DRAP1: variants seen among roughly 807,000 people sequenced by gnomAD.
DRAP1 encodes dr1-associated corepressor.
A neutral mutation model predicts 24.1 loss-of-function variants in DRAP1; 10 were observed. The ratio of observed to expected loss-of-function variants is 0.41; its 90% CI spans 0.26 to 0.70. The LOEUF (loss-of-function observed/expected upper bound fraction) is 0.70, where lower values mean the gene tolerates loss of function less well. Ranked by LOEUF, DRAP1 falls within the 30% of genes least tolerant of loss-of-function variation. DRAP1 has a pLI of 0.29. For synonymous variants in DRAP1, 122 were observed against 113.8 expected (o/e 1.07, Z -0.46); for missense variants, 264 against 275.6 (o/e 0.96, Z 0.30).
At chr11:65,921,206 G>C in intron 6 of DRAP1, 124 bp from the exon 7 acceptor site, 1 of 733,732 alleles carries the variant, frequency 1.4e-6, no homozygotes, top group Non-Finnish European at 2.3e-6. Flanking sequence ...CCTGGGCCTT[G>C]GCCGCATGGA....
At chr11:65,920,710 C>CA in intron 5 of DRAP1, 48 bp downstream of exon 5, 1 of 1,457,258 alleles carries the variant, frequency 6.9e-7, no homozygotes, top group Non-Finnish European at 9.1e-7. Context: ...ATGGGACAGG[C>CA]AGCCTCGCCC....
chr11:65,921,287 G>A lies in DRAP1; in HGVS notation c.513-43G>A, dbSNP rs377427666. The A allele has an allele frequency of 6.1e-5, 74 of 1,206,952 alleles. No individual in the cohort carries two copies. The African/African-American group carries it at 9.6e-4, about 16-fold the overall frequency. The allele number at this position is 1,206,952 out of a possible 1,614,324, so 74.8% of individuals were successfully genotyped here. On this transcript the variant is annotated intron_variant, in intron 6 of 6. Coordinates refer to ENST00000312515, the MANE Select transcript of DRAP1 (RefSeq NM_006442.4). ...TGGCAGCTGCCCCTGTGGAGGGCAC[G>A]GTGGGGCTCAGGCCTGACTCTCTCC... is the stretch of plus-strand genomic sequence containing the variant.
intron 3 of DRAP1, 123 bp downstream of exon 3, chr11:65,920,164 C>G: frequency 2.1e-6 from 3 of 1,426,880 alleles, no homozygotes; most frequent in South Asian, 1.3e-5. Flanking sequence ...AGGCCACAGA[C>G]TGGCAGAGGA....
chr11:65,920,146 C>A, intron 3 of DRAP1, 105 bp downstream of exon 3: 1 of 1,467,432 alleles, frequency 6.8e-7, no homozygotes, highest in Middle Eastern at 1.8e-4. Context: ...GCAGCCGGGA[C>A]ACCAGCAAGG....
Position 65,919,812 on chromosome 11 carries a change from A to G in DRAP1, c.75A>G (p.Glu25=), listed in dbSNP as rs763075561. The G allele has an allele frequency of 5.9e-5, 95 of 1,612,892 alleles. No homozygotes were observed. Among genetic ancestry groups the G allele is most frequent in the Non-Finnish European group, 8.0e-5 (94 of 1,179,924 alleles). The change falls in exon 2 of 7, where the codon GAA becomes GAG. Residue 25 remains glutamate, a synonymous_variant. Transcript: ENST00000312515. ...TCAAGAAGATCATGCAGACGGACGA[A>G]GAGATTGGGAAGGTGGCGGCGGCGG... ...ARIKKIMQTD[E]EIGKVAAAVP...
At position 65,921,541 on chromosome 11, in the gene DRAP1, A is replaced by T. The variant is rs1306988585; in HGVS notation, c.*106A>T. ...TAAATTTATTAAAAAAAAAAATAAA[A>T]GGGAATCTCAGTGTCTGTTCCAGGC... On this transcript the variant is annotated 3_prime_UTR_variant, in exon 7 of 7. Transcript: ENST00000312515. 8 of 551,606 alleles carry T rather than the reference A, an allele frequency of 1.5e-5. No homozygotes were observed. The East Asian group carries it at 2.5e-4, about 17-fold the overall frequency. 34.2% of individuals were successfully genotyped at this position (551,606 alleles called of 1,614,324 possible).
In DRAP1 at chr11:65,920,349, G is replaced by A. The variant is rs764071307; in HGVS notation, c.216G>A (p.Gln72=). ...CCCTCCTCACCTCTTCCAGGAAGCAGTGCATCGAGCTGGAGCAGCAGTTTG... is the reference window on the plus strand; with the variant it reads ...CCCTCCTCACCTCTTCCAGGAAGCAATGCATCGAGCTGGAGCAGCAGTTTG... The part of the protein sequence containing the change: ...AKTMTTSHLK[Q]CIELEQQFDF... Residue 72 remains glutamine (Q), a synonymous_variant, in exon 4 of 7, where the codon CAG becomes CAA. Transcript: ENST00000312515. 6.2e-6 allele frequency: 10 copies of A among 1,613,960 alleles called. No individual in the cohort carries two copies. The African/African-American group carries it at 1.1e-4, about 17-fold the overall frequency.
At chr11:65,919,571 G>A (rs765391343) in intron 1 of DRAP1, 28 bp downstream of exon 1, 1 of 1,548,228 alleles carries the variant, frequency 6.5e-7, no homozygotes, top group African/African-American at 1.4e-5. Context: ...CCCGGCAGGA[G>A]TGGGCCCGGC....
At chr11:65,921,157 G>A (rs1405788465) in intron 6 of DRAP1, 173 bp from the exon 7 acceptor site, 1 of 676,336 alleles carries the variant, frequency 1.5e-6, no homozygotes, top group Non-Finnish European at 2.5e-6. Flanking sequence ...CCCTGCCAGG[G>A]CCCGTGGGTG....
chr11:65,921,536 AT>A lies in DRAP1; in HGVS notation c.*102del, dbSNP rs1332017164. The A allele has an allele frequency of 1.6e-5, 9 of 563,520 alleles. No homozygotes were observed. Among genetic ancestry groups the A allele is most frequent in the East Asian group, 3.2e-5 (1 of 31,740 alleles). 34.9% of individuals were successfully genotyped at this position (563,520 alleles called of 1,614,324 possible). ...GTTCTTAAATTTATTAAAAAAAAAA[AT>A]AAAAGGGAATCTCAGTGTCTGTTCC... On this transcript the variant is annotated 3_prime_UTR_variant, in exon 7 of 7. Transcript: ENST00000312515.
chr11:65,921,219 T>C lies in DRAP1; in HGVS notation c.513-111T>C, dbSNP rs544349523. 7.5e-4 allele frequency: 572 copies of C among 760,018 alleles called. 3 individuals carry two copies. In the African/African-American group the frequency reaches 8.9e-3, roughly 12 times the overall value. The allele number at this position is 760,018 out of a possible 1,614,324, so 47.1% of individuals were successfully genotyped here. On this transcript the variant is annotated intron_variant, in intron 6 of 6. Coordinates refer to ENST00000312515, the MANE Select transcript of DRAP1 (RefSeq NM_006442.4). The stretch of plus-strand genomic sequence containing the variant: ...GCCCTGGGCCTTGGCCGCATGGATC[T>C]GGAGGGTGGTGGTGGGAGGGTCAGA...
chr11:65,920,757 TC>T (rs750961927), intron 5 of DRAP1, 95 bp downstream of exon 5: 6 of 1,446,858 alleles, frequency 4.1e-6, no homozygotes, highest in Non-Finnish European at 5.5e-6. Context: ...CTCATCCTTT[TC>T]TGCAACCTGT....
chr11:65,920,445 G>C lies in DRAP1; in HGVS notation c.312G>C (p.Gly104=), dbSNP rs376250261. Residue 104 remains glycine, a synonymous_variant, in exon 4 of 7, where the codon GGG becomes GGC. Coordinates refer to ENST00000312515, the MANE Select transcript of DRAP1 (RefSeq NM_006442.4). ...QGDGEDNHMD[G]DKGARRGRKP... ...ACGGGGAAGACAACCACATGGATGG[G>C]GACAAGGGCGCCCGCAGGTGGGGCC... is the stretch of plus-strand genomic sequence containing the variant. The C allele has an allele frequency of 4.3e-6, 7 of 1,614,134 alleles. No individual in the cohort carries two copies. The highest frequency in any genetic ancestry group is 5.9e-6 in the Non-Finnish European group (7 of 1,180,030).
Position 65,919,949 on chromosome 11 carries a change from C to T in DRAP1, c.117C>T (p.Ser39=). 2 of 1,613,830 alleles carry T rather than the reference C, an allele frequency of 1.2e-6. No individual in the cohort carries two copies. Among genetic ancestry groups the T allele is most frequent in the Non-Finnish European group, 1.7e-6 (2 of 1,179,904 alleles). ...KVAAAVPVII[S]RALELFLESL... ...GGAGTTCTCCTTGACGCTCCTCAGC[C>T]CGGGCGCTCGAGCTCTTCCTAGAGT... Residue 39 remains serine, a splice_region_variant and synonymous_variant, in exon 3 of 7, where the codon TCC becomes TCT. Transcript: ENST00000312515.
In DRAP1 at chr11:65,921,514, C is replaced by G; in HGVS notation, c.*79C>G. 1 of 619,346 alleles carries G rather than the reference C, an allele frequency of 1.6e-6. No individual in the cohort carries two copies. The highest frequency in any genetic ancestry group is 2.8e-6 in the Non-Finnish European group (1 of 355,434). 38.4% of individuals were successfully genotyped at this position (619,346 alleles called of 1,614,324 possible). A position where few individuals can be genotyped will look rare whatever the true frequency, so the allele number is the denominator to read the frequency against. ...GGGGAGGAGAGAAGGTAGAGCTGTTCTTAAATTTATTAAAAAAAAAAATAA... is the reference window on the plus strand; with the variant it reads ...GGGGAGGAGAGAAGGTAGAGCTGTTGTTAAATTTATTAAAAAAAAAAATAA... On this transcript the variant is annotated 3_prime_UTR_variant, in exon 7 of 7. Coordinates refer to ENST00000312515, the MANE Select transcript of DRAP1 (RefSeq NM_006442.4).
chr11:65,920,485 A>C (rs1268292260), intron 4 of DRAP1, 23 bp downstream of exon 4: 5 of 1,613,472 alleles, frequency 3.1e-6, no homozygotes, highest in Non-Finnish European at 4.2e-6. Flanking sequence ...CCTGGCATAC[A>C]GTGGGGAAGG....
In DRAP1 at chr11:65,919,571, G is replaced by C. The variant is rs765391343; in HGVS notation, c.42+28G>C. 18 of 1,548,336 alleles carry C rather than the reference G, an allele frequency of 1.2e-5. No homozygotes were observed. The African/African-American group carries it at 2.5e-4, about 21-fold the overall frequency. On this transcript the variant is annotated intron_variant, in intron 1 of 6. Coordinates refer to ENST00000312515, the MANE Select transcript of DRAP1 (RefSeq NM_006442.4). Reference sequence around the variant, plus strand: ...GAGCACGTGGCAGAGCCCGGCAGGAGTGGGCCCGGCTCCCGGGTGGCTTGG... The same window carrying C: ...GAGCACGTGGCAGAGCCCGGCAGGACTGGGCCCGGCTCCCGGGTGGCTTGG...
intron 6 of DRAP1, 67 bp downstream of exon 6, chr11:65,921,039 T>C (rs1045187768): frequency 2.4e-6 from 3 of 1,249,048 alleles, no homozygotes; most frequent in Non-Finnish European, 3.3e-6. Flanking sequence ...CCTCTTGTTC[T>C]CCCTGGCCCC....
In DRAP1 at chr11:65,920,329, C is replaced by A; in HGVS notation, c.210-14C>A. ...GGCCCCTCTTGAGTGCCAGCCCCTC[C>A]TCACCTCTTCCAGGAAGCAGTGCAT... On this transcript the variant is annotated splice_polypyrimidine_tract_variant and intron_variant, in intron 3 of 6. Transcript: ENST00000312515. 6.2e-7 allele frequency: 1 copy of A among 1,613,906 alleles called. No individual in the cohort carries two copies. The highest frequency in any genetic ancestry group is 1.1e-5 in the South Asian group (1 of 91,052).
Sources: gnomAD v4.1 joint callset for allele counts on GRCh38, gnomAD v4.1.1 for gene constraint, MANE v1.5 for transcripts, NCBI Gene and HGNC (gene_info 2026-07-23, HGNC 2026-07-21) for gene names.